Variants in KIAA0232 observed in about 807,000 individuals in gnomAD.
The protein encoded by KIAA0232 is KIAA0232, also known as uncharacterized protein KIAA0232.
In KIAA0232, 27 loss-of-function variants were observed where a neutral mutation model predicts 122.0. The ratio of observed to expected loss-of-function variants is 0.22; its 90% confidence interval spans 0.16 to 0.31. The LOEUF (loss-of-function observed/expected upper bound fraction) is 0.31. Ranked by LOEUF, KIAA0232 falls within the 10% of genes least tolerant of loss-of-function variation. KIAA0232 has a pLI of 1.00. For missense variants in KIAA0232, 1,551 were observed against 1,634.2 expected (o/e 0.95, Z 0.88); for synonymous variants, 613 against 587.6 (o/e 1.04, Z -0.63).
chr4:6,856,406 T>G (rs542208098), intron 4 of KIAA0232, among the ~76,000 whole-genome samples: 53 of 152,320 alleles, frequency 3.5e-4, no homozygotes, highest in South Asian at 1.4e-3. Flanking sequence ...TGTGAGAAAT[T>G]GAGACTCTTA....
At position 6,862,694 on chromosome 4, in the gene KIAA0232, G is replaced by A. The variant is rs1720941927; in HGVS notation, c.2312G>A (p.Ser771Asn). 1.2e-6 allele frequency: 2 copies of A among 1,611,314 alleles called. No individual in the cohort carries two copies. Among genetic ancestry groups the A allele is most frequent in the South Asian group, 1.1e-5 (1 of 90,162 alleles). The change falls in exon 7 of 10, where the codon AGT becomes AAT. Residue 771 changes from serine to asparagine, a missense_variant. Ser to Asn is a conservative substitution (Grantham distance 46). This residue lies in a region of KIAA0232 where 1,108 missense variants were observed against 1,154.8 expected (regional missense o/e 0.96). Transcript: ENST00000307659. ...FLQDETCQQN[S>N]RTLGEIPTLV... is the part of the protein sequence containing the mutation. ...CAAGATGAAACTTGCCAGCAAAACA[G>A]TAGAACTTTAGGTGAGATTCCTACA...
At position 6,882,655 on chromosome 4, in the gene KIAA0232, T is replaced by TGCGC. The variant is rs542166462; in HGVS notation, c.*1696_*1699dup. 2 of 151,966 alleles carry TGCGC rather than the reference T, an allele frequency of 1.3e-5. No homozygotes were observed. Among genetic ancestry groups the TGCGC allele is most frequent in the Non-Finnish European group, 2.9e-5 (2 of 68,002 alleles). The allele number at this position is 151,966 out of a possible 1,614,324, so 9.4% of individuals were successfully genotyped here. A position where few individuals can be genotyped will look rare whatever the true frequency, so the allele number is the denominator to read the frequency against. On this transcript the variant is annotated 3_prime_UTR_variant, in exon 10 of 10. Transcript: ENST00000307659. ...GTGTGTGTGTGTGTGTGTGCGCGCG[T>TGCGC]GCGCGCGCGCATGTGTAAGGTTTTA...
chr4:6,878,977 A>G (rs1409406614), intron 9 of KIAA0232, among the ~76,000 whole-genome samples: 7 of 152,032 alleles, frequency 4.6e-5, no homozygotes. Flanking sequence ...TCAAACCCCA[A>G]ACTGAGACAT....
At chr4:6,854,952 C>G (rs1197900657) in intron 4 of KIAA0232, among the ~76,000 whole-genome samples, 1 of 152,156 alleles carries the variant, frequency 6.6e-6, no homozygotes, top group African/African-American at 2.4e-5. Context: ...CTCATTAAAA[C>G]TGTAAATTAA....
intron 3 of KIAA0232, among the ~76,000 whole-genome samples, chr4:6,836,591 C>T (rs1400632056): frequency 1.6e-5 from 2 of 122,944 alleles, no homozygotes; most frequent in Admixed American, 9.4e-5. Flanking sequence ...GGGTGTTTCT[C>T]GGAGAGGGGG....
rs544142458 is a variant in KIAA0232, at chr4:6,858,180, A to G, written c.437-245A>G. Among the ~76,000 whole-genome samples, 6 of 152,334 alleles carry G rather than the reference A, an allele frequency of 3.9e-5. No homozygotes were observed. In the South Asian group the frequency reaches 1.2e-3, roughly 32 times the overall value. ...CAGTCTCTTAATTAAGTGCCTCTAG[A>G]GCACTGTATCAGTGACGAGATGAAC... On this transcript the variant is annotated intron_variant, in intron 5 of 9. Transcript: ENST00000307659.
At chr4:6,837,954 G>A (rs1040367236) in intron 3 of KIAA0232, among the ~76,000 whole-genome samples, 2 of 151,660 alleles carry the variant, frequency 1.3e-5, no homozygotes, top group Non-Finnish European at 2.9e-5. Flanking sequence ...AGGCAGAGGC[G>A]GTTGTTTGTT....
chr4:6,816,805 T>G (rs1031688730), intron 2 of KIAA0232, among the ~76,000 whole-genome samples: 1 of 152,226 alleles, frequency 6.6e-6, no homozygotes, highest in Non-Finnish European at 1.5e-5. Context: ...ATTCTGTTTC[T>G]TCTTGAGTAG....
At chr4:6,793,160 C>G (rs959436642) in intron 1 of KIAA0232, among the ~76,000 whole-genome samples, 1 of 152,072 alleles carries the variant, frequency 6.6e-6, no homozygotes, top group Non-Finnish European at 1.5e-5. Context: ...CTAATGTTAA[C>G]TAATTAACTA....
At chr4:6,831,944 A>G (rs964938630) in intron 3 of KIAA0232, among the ~76,000 whole-genome samples, 77 of 152,358 alleles carry the variant, frequency 5.1e-4, no homozygotes, top group African/African-American at 1.7e-3. Flanking sequence ...TGCAGATGTC[A>G]GTGCCCTATG....
chr4:6,838,166 AAGT>A (rs1719437038), intron 3 of KIAA0232, among the ~76,000 whole-genome samples: 1 of 150,548 alleles, frequency 6.6e-6, no homozygotes, highest in African/African-American at 2.5e-5. Flanking sequence ...CCGAACTAGT[AAGT>A]ATGAGGGTAA....
intron 2 of KIAA0232, among the ~76,000 whole-genome samples, chr4:6,820,514 C>G (rs186781883): frequency 6.6e-6 from 1 of 152,074 alleles, no homozygotes; most frequent in African/African-American, 2.4e-5. Context: ...TTATTAACAG[C>G]TATGTTATTA....
intron 2 of KIAA0232, among the ~76,000 whole-genome samples, chr4:6,822,739 A>C (rs905004630): frequency 6.6e-6 from 1 of 151,848 alleles, no homozygotes; most frequent in Non-Finnish European, 1.5e-5. Flanking sequence ...TAAGAAATTC[A>C]ACCTAGGTAT....
chr4:6,814,998 A>AAG, intron 2 of KIAA0232, among the ~76,000 whole-genome samples: 1 of 152,168 alleles, frequency 6.6e-6, no homozygotes, highest in Non-Finnish European at 1.5e-5. Context: ...AGATGATTTG[A>AAG]AGGTCCTTTT....
At chr4:6,791,686 T>C (rs1211090420) in intron 1 of KIAA0232, among the ~76,000 whole-genome samples, 8 of 152,190 alleles carry the variant, frequency 5.3e-5, no homozygotes, top group Non-Finnish European at 1.0e-4. Flanking sequence ...CTTCCTATCC[T>C]GTATTCATCT....
intron 1 of KIAA0232, among the ~76,000 whole-genome samples, chr4:6,803,698 C>G (rs1436158080): frequency 6.6e-6 from 1 of 152,160 alleles, no homozygotes; most frequent in Non-Finnish European, 1.5e-5. Context: ...TTATATTTGA[C>G]ATGAGTCATT....
chr4:6,863,541 T>C lies in KIAA0232; in HGVS notation c.3159T>C (p.His1053=). 3.1e-6 allele frequency: 5 copies of C among 1,614,212 alleles called. No homozygotes were observed. Among genetic ancestry groups the C allele is most frequent in the South Asian group, 1.1e-5 (1 of 91,088 alleles). Residue 1053 remains histidine, a synonymous_variant, in exon 7 of 10, where the codon CAT becomes CAC. Coordinates refer to ENST00000307659, the MANE Select transcript of KIAA0232 (RefSeq NM_014743.3). The part of the protein sequence containing the change: ...DLSNPFSQVL[H]VECSFEPEGI... Reference sequence around the variant, plus strand: ...GCAATCCATTTTCACAAGTTCTTCATGTAGAATGCTCATTTGAACCTGAAG... The same window carrying C: ...GCAATCCATTTTCACAAGTTCTTCACGTAGAATGCTCATTTGAACCTGAAG...
intron 9 of KIAA0232, among the ~76,000 whole-genome samples, chr4:6,878,555 T>G (rs572690886): frequency 6.6e-6 from 1 of 152,356 alleles, no homozygotes; most frequent in Admixed American, 6.5e-5. Flanking sequence ...CAGTCCTGGT[T>G]TCTGCACCTG....
chr4:6,854,893 A>T (rs1215376166), intron 4 of KIAA0232, among the ~76,000 whole-genome samples: 1 of 152,114 alleles, frequency 6.6e-6, no homozygotes, highest in Non-Finnish European at 1.5e-5. Flanking sequence ...AAATTTGATT[A>T]TTAATATTTT....
Sources: gnomAD v4.1 joint callset for allele counts (sites outside exome capture counted in the v4.1 genomes callset) on GRCh38, gnomAD v4.1.1 for gene constraint, gnomAD v4.1.1 regional missense constraint, MANE v1.5 for transcripts, NCBI Gene and HGNC (gene_info 2026-07-23, HGNC 2026-07-21) for gene names.